The following SEPTIN14 variants were observed in gnomAD, a reference collection of about 807,000 sequenced individuals.
SEPTIN14 encodes septin-14.
Under a neutral mutation model 53.6 loss-of-function variants are expected in SEPTIN14, and 40 were observed. The observed-to-expected ratio is 0.75, with a 90% CI of 0.58 to 0.97. The LOEUF (loss-of-function observed/expected upper bound fraction) is 0.97, where lower values mean the gene tolerates loss of function less well. Among genes scored for constraint, SEPTIN14 ranks in the 50% least tolerant of loss-of-function variants. SEPTIN14 has a pLI of 0.00. For synonymous variants in SEPTIN14, 138 were observed against 166.8 expected, an observed-to-expected ratio of 0.83 and a Z score of 1.33; for missense variants, 471 against 508.2, an observed-to-expected ratio of 0.93 and a Z score of 0.70.
rs758282064 is a variant in SEPTIN14, at chr7:55,796,050, C to T, written c.1162G>A (p.Glu388Lys). The T allele has an allele frequency of 6.7e-7, 1 of 1,503,354 alleles. No individual in the cohort carries two copies. The highest frequency in any genetic ancestry group is 1.1e-5 in the South Asian group (1 of 88,852). 93.1% of individuals were successfully genotyped at this position (1,503,354 alleles called of 1,614,324 possible). The change falls in exon 10 of 10, where the codon GAG (glutamate) becomes AAG (lysine). Residue 388 changes from glutamate to lysine, a missense_variant. Glu to Lys is a moderately conservative substitution (Grantham distance 56, BLOSUM62 1). Transcript: ENST00000388975. ...FEHLKMIQQE[E>K]IRKLEEEKKQ... is the part of the protein sequence containing the mutation. ...TTCTCTTCCTCGAGCTTCCTTATCT[C>T]CTCCTGTTGAATCATTTTAAGATGC...
chr7:55,845,158 G>A (rs1328631175), intron 3 of SEPTIN14, among the ~76,000 whole-genome samples: 1 of 152,072 alleles, frequency 6.6e-6, no homozygotes, highest in Non-Finnish European at 1.5e-5. Flanking sequence ...ACTTACAAGT[G>A]AGAACATGGC....
At chr7:55,842,101 C>T (rs1300967959) in intron 5 of SEPTIN14, among the ~76,000 whole-genome samples, 1 of 152,110 alleles carries the variant, frequency 6.6e-6, no homozygotes, top group Non-Finnish European at 1.5e-5. Flanking sequence ...GTATTCCGTA[C>T]AGTACCATGC....
intron 4 of SEPTIN14, among the ~76,000 whole-genome samples, chr7:55,844,277 T>C (rs1189568748): frequency 1.3e-5 from 2 of 151,956 alleles, no homozygotes; most frequent in Non-Finnish European, 2.9e-5. Context: ...AATAAAGAAA[T>C]AAGGAAATAA....
chr7:55,846,754 C>A, intron 2 of SEPTIN14, 117 bp from the exon 3 acceptor site: 1 of 574,668 alleles, frequency 1.7e-6, no homozygotes, highest in South Asian at 2.4e-5. Context: ...GCTTATCATA[C>A]CTCAGACAAG....
chr7:55,850,113 T>C (rs1352350482), intron 2 of SEPTIN14, among the ~76,000 whole-genome samples: 1 of 152,182 alleles, frequency 6.6e-6, no homozygotes, highest in Non-Finnish European at 1.5e-5. Context: ...ACAAACTCTC[T>C]ACAAAACAGA....
At chr7:55,844,744 A>C in intron 3 of SEPTIN14, 26 bp from the exon 4 acceptor site, 1 of 1,324,406 alleles carries the variant, frequency 7.6e-7, no homozygotes, top group East Asian at 2.5e-5. Flanking sequence ...AGTCATTGTC[A>C]TAGGGACATA....
intron 2 of SEPTIN14, among the ~76,000 whole-genome samples, chr7:55,851,738 G>A (rs1789518092): frequency 1.3e-5 from 2 of 152,270 alleles, no homozygotes; most frequent in South Asian, 4.1e-4. Flanking sequence ...GCCGGGCGCG[G>A]TGGCTCACAC....
intron 2 of SEPTIN14, among the ~76,000 whole-genome samples, chr7:55,861,718 G>A (rs1789752159): frequency 6.6e-6 from 1 of 152,136 alleles, no homozygotes; most frequent in Non-Finnish European, 1.5e-5. Flanking sequence ...GAAATAGTCT[G>A]TTGCACTGCT....
intron 7 of SEPTIN14, among the ~76,000 whole-genome samples, chr7:55,816,518 C>T (rs1389731514): frequency 6.6e-6 from 1 of 151,718 alleles, no homozygotes; most frequent in East Asian, 1.9e-4. Context: ...AAACACAGGC[C>T]CAGTGTGGTG....
At position 55,813,840 on chromosome 7, in the gene SEPTIN14, G is replaced by A. The variant is rs1788747674; in HGVS notation, c.817+5287C>T. Among the ~76,000 whole-genome samples the A allele has an allele frequency of 3.3e-5, 5 of 152,272 alleles. No individual in the cohort carries two copies. In the South Asian group the frequency reaches 1.0e-3, roughly 32 times the overall value. On this transcript the variant is annotated intron_variant, in intron 7 of 9. Transcript: ENST00000388975. ...GCACTGAAGAGATGGACCCAGCCCAGCAGGACTCACCACCTGCTGACTAAA... is the reference window on the plus strand; with the variant it reads ...GCACTGAAGAGATGGACCCAGCCCAACAGGACTCACCACCTGCTGACTAAA...
At chr7:55,838,981 C>T (rs980877675) in intron 5 of SEPTIN14, among the ~76,000 whole-genome samples, 2 of 152,156 alleles carry the variant, frequency 1.3e-5, no homozygotes, top group Non-Finnish European at 2.9e-5. Context: ...GTCATGTTGA[C>T]CCACTCCTTC....
intron 2 of SEPTIN14, chr7:55,850,685 T>C (rs1789501636): frequency 6.6e-6 from 1 of 152,142 alleles, no homozygotes; most frequent in African/African-American, 2.4e-5. Flanking sequence ...ACATCCTATC[T>C]CCTTCCTCTT....
At position 55,834,562 on chromosome 7, in the gene SEPTIN14, T is replaced by C. The variant is rs752113421; in HGVS notation, c.583A>G (p.Lys195Glu). The change falls in exon 6 of 10, where the codon AAA becomes GAA. Residue 195 changes from lysine (K) to glutamate (E), a missense_variant. Transcript: ENST00000388975. ...TCATTTTTAGAAATAGTGTCTGCTT[T>C]GGCAATCAGTGGTATAATATTCACC... ...SKVNIIPLIAKADTISKNDLQ... is the reference protein window; with the variant it reads ...SKVNIIPLIAEADTISKNDLQ... The C allele has an allele frequency of 1.2e-6, 2 of 1,609,050 alleles. No individual in the cohort carries two copies. The highest frequency in any genetic ancestry group is 2.7e-5 in the African/African-American group (2 of 74,820).
chr7:55,819,842 C>CT (rs536897191), intron 6 of SEPTIN14, among the ~76,000 whole-genome samples: 4 of 152,112 alleles, frequency 2.6e-5, no homozygotes, highest in Non-Finnish European at 5.9e-5. Context: ...CCTGAACCAT[C>CT]TTTAACCTGA....
In SEPTIN14 at chr7:55,844,161, A is replaced by G. The variant is rs1306748591; in HGVS notation, c.371+362T>C. ...CAAAAAATAATAATAAAAATAATTAAATAACATAATTTGGCAAGGGTACAC... is the reference window on the plus strand; with the variant it reads ...CAAAAAATAATAATAAAAATAATTAGATAACATAATTTGGCAAGGGTACAC... On this transcript the variant is annotated intron_variant, in intron 4 of 9. Transcript: ENST00000388975. Among the ~76,000 whole-genome samples, 4 of 152,264 alleles carry G rather than the reference A, an allele frequency of 2.6e-5. No homozygotes were observed. The East Asian group carries it at 7.7e-4, about 29-fold the overall frequency.
At chr7:55,804,892 T>C (rs1478803105) in intron 9 of SEPTIN14, among the ~76,000 whole-genome samples, 1 of 152,198 alleles carries the variant, frequency 6.6e-6, no homozygotes, top group Non-Finnish European at 1.5e-5. Context: ...ATTTGCTTTT[T>C]ATAAAAGTGA....
At chr7:55,827,142 G>C (rs1789002818) in intron 6 of SEPTIN14, among the ~76,000 whole-genome samples, 2 of 152,188 alleles carry the variant, frequency 1.3e-5, no homozygotes, top group African/African-American at 4.8e-5. Flanking sequence ...GGCTAGCCCA[G>C]TACACCATTG....
intron 3 of SEPTIN14, 146 bp from the exon 4 acceptor site, chr7:55,844,864 G>C (rs1283870139): frequency 7.2e-6 from 3 of 418,012 alleles, no homozygotes; most frequent in African/African-American, 6.1e-5. Context: ...GAGGCTGGGG[G>C]AGCAGGAGAA....
At chr7:55,849,142 T>G (rs1174043756) in intron 2 of SEPTIN14, among the ~76,000 whole-genome samples, 2 of 151,456 alleles carry the variant, frequency 1.3e-5, no homozygotes, top group African/African-American at 2.4e-5. Flanking sequence ...CTGGCCAACA[T>G]AGTGAAACCC....
Sources: gnomAD v4.1 joint callset for allele counts (sites outside exome capture counted in the v4.1 genomes callset) on GRCh38, gnomAD v4.1.1 for gene constraint, MANE v1.5 for transcripts, NCBI Gene and HGNC (gene_info 2026-07-23, HGNC 2026-07-21) for gene names.